Variants in COPG1 observed in about 807,000 individuals in gnomAD.
COPG1 encodes the protein coat protein complex I subunit gamma 1.
In COPG1, 29 loss-of-function variants were observed where a neutral mutation model predicts 102.8. The observed-to-expected ratio is 0.28, with a 90% CI of 0.21 to 0.38. COPG1 has a LOEUF of 0.38. Ranked by LOEUF, COPG1 falls within the 10% of genes least tolerant of loss-of-function variation. The probability of loss-of-function intolerance (pLI) is 1.00; values close to 1 mark genes in which losing one functional copy is unlikely to be tolerated. For missense variants in COPG1, 875 were observed against 1,132.7 expected, an observed-to-expected ratio of 0.77 and a Z score of 3.27; for synonymous variants, 406 against 421.6, an observed-to-expected ratio of 0.96 and a Z score of 0.45.
In COPG1 at chr3:129,265,760, G is replaced by A. The variant is rs751172027; in HGVS notation, c.1436G>A (p.Arg479Gln). 1.2e-6 allele frequency: 2 copies of A among 1,614,088 alleles called. No homozygotes were observed. The highest frequency in any genetic ancestry group is 1.3e-5 in the African/African-American group (1 of 75,016). The part of the protein sequence containing the change: ...PSKYIRFIYN[R>Q]VVLEHEEVRA... ...AAGTACATCCGCTTCATCTATAACCGAGTGGTCTTGGAGCATGAGGAGGTC... is the reference window on the plus strand; with the variant it reads ...AAGTACATCCGCTTCATCTATAACCAAGTGGTCTTGGAGCATGAGGAGGTC... The change falls in exon 14 of 24, where the codon CGA (arginine) becomes CAA (glutamine). Residue 479 changes from arginine (R) to glutamine (Q), a missense_variant. By Grantham distance (43) the Arg-to-Gln change is conservative. Coordinates refer to ENST00000314797, the MANE Select transcript of COPG1 (RefSeq NM_016128.4).
intron 2 of COPG1, among the ~76,000 whole-genome samples, chr3:129,251,379 A>G (rs1378755825): frequency 6.8e-6 from 1 of 147,516 alleles, no homozygotes; most frequent in Admixed American, 6.8e-5. Flanking sequence ...TTTTATATAT[A>G]TATATATATG....
At chr3:129,252,540 G>A in intron 3 of COPG1, 83 bp from the exon 4 acceptor site, 1 of 1,224,988 alleles carries the variant, frequency 8.2e-7, no homozygotes, top group South Asian at 1.2e-5. Context: ...TTTAGGGTCT[G>A]GGGATCTGGT....
rs1940116355 is a variant in COPG1 at position 129,268,551 on chromosome 3, C to T, written c.1705C>T (p.Pro569Ser). 1.9e-6 allele frequency: 3 copies of T among 1,614,176 alleles called. No individual in the cohort carries two copies. Among genetic ancestry groups the T allele is most frequent in the Non-Finnish European group, 2.5e-6 (3 of 1,180,012 alleles). ...ERALQQYTLE[P>S]SEKPFDLKSV... is the part of the protein sequence containing the mutation. ...GGCTCTGCAGCAGTACACTCTAGAA[C>T]CATCAGAAAAACCTTTTGACCTCAA... The change falls in exon 17 of 24, where the codon CCA (proline) becomes TCA (serine). Residue 569 changes from proline to serine, a missense_variant. Pro to Ser is a moderately conservative substitution (Grantham distance 74, BLOSUM62 -1). Transcript: ENST00000314797.
At chr3:129,250,938 T>C (rs1261422631) in intron 2 of COPG1, 3 of 454,110 alleles carry the variant, frequency 6.6e-6, no homozygotes, top group South Asian at 2.2e-5. Flanking sequence ...TTTTTTTTTT[T>C]TCTGAGACAG....
At position 129,277,399 on chromosome 3, in the gene COPG1, A is replaced by G. The variant is rs1349980375; in HGVS notation, c.2600A>G (p.Asp867Gly). Residue 867 changes from aspartate (D) to glycine (G), a missense_variant, in exon 24 of 24, where the codon GAC (aspartate) becomes GGC (glycine). Asp to Gly is a moderately conservative substitution (Grantham distance 94). Transcript: ENST00000314797. ...TARSLEELPVDIILASVG is the reference protein window; with the variant it reads ...TARSLEELPVGIILASVG Reference sequence around the variant, plus strand: ...AGAAGTTTGGAGGAGCTGCCAGTAGACATCATCTTGGCATCTGTGGGATAA... The same window carrying G: ...AGAAGTTTGGAGGAGCTGCCAGTAGGCATCATCTTGGCATCTGTGGGATAA... 1.2e-6 allele frequency: 2 copies of G among 1,613,938 alleles called. No individual in the cohort carries two copies. Among genetic ancestry groups the G allele is most frequent in the South Asian group, 2.2e-5 (2 of 91,078 alleles).
Position 129,251,068 on chromosome 3 carries a change from C to T in COPG1, c.90+334C>T, listed in dbSNP as rs377427661. Among the ~76,000 whole-genome samples, 21 of 151,232 alleles carry T rather than the reference C, an allele frequency of 1.4e-4. No individual in the cohort carries two copies. In the South Asian group the frequency reaches 3.1e-3, roughly 23 times the overall value. ...CCTCCCAAGTAGCTGGGACTACAGA[C>T]GCCCGCCACCACACCCGGCTAATTT... On this transcript the variant is annotated intron_variant, in intron 2 of 23. Transcript: ENST00000314797.
intron 10 of COPG1, among the ~76,000 whole-genome samples, 156 bp downstream of exon 10, chr3:129,258,016 C>T (rs1353516064): frequency 6.6e-6 from 1 of 152,212 alleles, no homozygotes; most frequent in African/African-American, 2.4e-5. Flanking sequence ...GCTGAGTCCC[C>T]ACTTGTATCA....
intron 1 of COPG1, among the ~76,000 whole-genome samples, chr3:129,249,972 C>T (rs946998929): frequency 6.1e-4 from 73 of 118,988 alleles, no homozygotes; most frequent in African/African-American, 2.9e-3. Context: ...GCGCGACAAA[C>T]ACCCCCCCCC....
intron 13 of COPG1, among the ~76,000 whole-genome samples, chr3:129,264,599 A>G (rs1262428827): frequency 1.3e-5 from 2 of 152,124 alleles, no homozygotes; most frequent in Non-Finnish European, 2.9e-5. Context: ...GTAGAAGGGC[A>G]CTAATGTTTA....
rs1357788099 is a variant in COPG1, at chr3:129,252,600, G to A, written c.172-23G>A. 3 of 1,605,444 alleles carry A rather than the reference G, an allele frequency of 1.9e-6. No homozygotes were observed. In the African/African-American group the frequency reaches 4.0e-5, roughly 21 times the overall value. ...TGTCTGACCCTCTGTCCCAAGCTGAGACTTCTTTCTTGATTAACACAGGGG... is the reference window on the plus strand; with the variant it reads ...TGTCTGACCCTCTGTCCCAAGCTGAAACTTCTTTCTTGATTAACACAGGGG... On this transcript the variant is annotated intron_variant, in intron 3 of 23. Coordinates refer to ENST00000314797, the MANE Select transcript of COPG1 (RefSeq NM_016128.4).
chr3:129,253,638 C>T (rs775081602), intron 5 of COPG1, among the ~76,000 whole-genome samples: 18 of 152,224 alleles, frequency 1.2e-4, no homozygotes, highest in Non-Finnish European at 1.9e-4. Context: ...ATTAGAATTA[C>T]GAAAGTCCTC....
intron 18 of COPG1, among the ~76,000 whole-genome samples, chr3:129,270,813 A>G (rs1940167629): frequency 6.6e-6 from 1 of 152,216 alleles, no homozygotes; most frequent in African/African-American, 2.4e-5. Context: ...GTTCTCATGG[A>G]GTTCAATTAA....
chr3:129,265,618 A>C lies in COPG1; in HGVS notation c.1294A>C (p.Lys432Gln). 1 of 1,614,216 alleles carries C rather than the reference A, an allele frequency of 6.2e-7. No homozygotes were observed. Among genetic ancestry groups the C allele is most frequent in the Non-Finnish European group, 8.5e-7 (1 of 1,180,034 alleles). The change falls in exon 14 of 24, where the codon AAG (lysine) becomes CAG (glutamine). Residue 432 changes from lysine (K) to glutamine (Q), a missense_variant. By Grantham distance (53) the Lys-to-Gln change is moderately conservative. Coordinates refer to ENST00000314797, the MANE Select transcript of COPG1 (RefSeq NM_016128.4). ...CATCATTGAAGAGAACTCAGAGAGCAAGGAGACAGGGCTGTCACATCTGTG... is the reference window on the plus strand; with the variant it reads ...CATCATTGAAGAGAACTCAGAGAGCCAGGAGACAGGGCTGTCACATCTGTG... The part of the protein sequence containing the change: ...ISIIEENSES[K>Q]ETGLSHLCEF...
intron 13 of COPG1, 112 bp downstream of exon 13, chr3:129,264,111 CT>C: frequency 2.2e-6 from 2 of 889,198 alleles, no homozygotes; most frequent in Non-Finnish European, 3.7e-6. Flanking sequence ...TGTTAACCAA[CT>C]GGTTTTCATG....
chr3:129,252,347 T>A lies in COPG1; in HGVS notation c.157T>A (p.Tyr53Asn). The stretch of plus-strand genomic sequence containing the variant: ...TGCCCACATCCTCACCAAGATTCTT[T>A]ATCTCATAAACCAGGTAACAGGGTG... ...KCAHILTKIL[Y>N]LINQGEHLGT... Residue 53 changes from tyrosine to asparagine, a missense_variant, in exon 3 of 24, where the codon TAT becomes AAT. Physicochemically the swap from Tyr to Asn is moderately radical, Grantham distance 143 (BLOSUM62 -2). Coordinates refer to ENST00000314797, the MANE Select transcript of COPG1 (RefSeq NM_016128.4). The A allele has an allele frequency of 6.2e-7, 1 of 1,611,166 alleles. No homozygotes were observed. The highest frequency in any genetic ancestry group is 2.2e-5 in the East Asian group (1 of 44,882).
chr3:129,250,778 A>G, intron 2 of COPG1, 44 bp downstream of exon 2: 1 of 1,511,690 alleles, frequency 6.6e-7, no homozygotes, highest in Non-Finnish European at 9.2e-7. Flanking sequence ...ATAAATATTC[A>G]CCACCAATGC....
chr3:129,266,131 C>T (rs1940054443), intron 14 of COPG1, among the ~76,000 whole-genome samples: 1 of 152,020 alleles, frequency 6.6e-6, no homozygotes, highest in African/African-American at 2.4e-5. Flanking sequence ...GCCATCATGC[C>T]CAGCTAATTT....
rs113539144 is a variant in COPG1, at chr3:129,266,237, C to T, written c.1468+445C>T. On this transcript the variant is annotated intron_variant, in intron 14 of 23. Transcript: ENST00000314797. ...TGCCCGCCTCGGCCTCCCAAAAGTGCTGGGATTACAGGCGTGAGCCACCGT... is the reference window on the plus strand; with the variant it reads ...TGCCCGCCTCGGCCTCCCAAAAGTGTTGGGATTACAGGCGTGAGCCACCGT... Among the ~76,000 whole-genome samples the T allele has an allele frequency of 9.8e-3, 1,486 of 152,254 alleles. 22 individuals carry two copies. The highest frequency in any genetic ancestry group is 0.034 in the African/African-American group (1,402 of 41,542).
intron 13 of COPG1, among the ~76,000 whole-genome samples, chr3:129,264,821 G>GT (rs112474062): frequency 0.031 from 4,450 of 144,652 alleles, 68 homozygotes; most frequent in Middle Eastern, 0.1. Context: ...CATGATAGCA[G>GT]TTTTTTTTTT....
Sources: allele counts gnomAD v4.1 joint callset (sites outside exome capture counted in the v4.1 genomes callset), GRCh38; gene constraint gnomAD v4.1.1; transcripts MANE v1.5; gene names NCBI Gene and HGNC (gene_info 2026-07-23, HGNC 2026-07-21).